ZFHX2: variants seen among roughly 807,000 people sequenced by gnomAD.
The protein encoded by ZFHX2 is zinc finger homeobox 2.
A neutral mutation model predicts 164.8 loss-of-function variants in ZFHX2; 75 were observed. The ratio of observed to expected loss-of-function variants is 0.46; its 90% CI spans 0.38 to 0.55. ZFHX2 has a LOEUF of 0.55. ZFHX2 is among the 20% of genes least tolerant of loss of function. The pLI is 0.00. For synonymous variants in ZFHX2, 1,217 were observed against 1,351.4 expected, an observed-to-expected ratio of 0.90 and a Z score of 2.18; for missense variants, 2,933 against 3,308.0, an observed-to-expected ratio of 0.89 and a Z score of 2.78.
Position 23,533,779 on chromosome 14 carries a change from G to C in ZFHX2, c.1547C>G (p.Ser516Cys), listed in dbSNP as rs759516451. 1.9e-5 allele frequency: 30 copies of C among 1,557,924 alleles called. No individual in the cohort carries two copies. The highest frequency in any genetic ancestry group is 2.3e-5 in the Non-Finnish European group (27 of 1,158,668). ...KPYRCDVCNY[S>C]TTTKGNLSIH... ...GCTGAGGTTGCCTTTGGTGGTTGTA[G>C]AGTAGTTGCAGACGTCACAGCGGTA... Residue 516 changes from serine to cysteine, a missense_variant, in exon 2 of 10, where the codon TCT (serine) becomes TGT (cysteine). Transcript: ENST00000419474. The surrounding 1 kb of genome is among the most constrained non-coding windows in gnomAD (Gnocchi z 4.8).
upstream of ZFHX2, chr14:23,555,865 C>G (rs2138976744): frequency 6.6e-6 from 1 of 152,428 alleles, no homozygotes; most frequent in East Asian, 1.9e-4. Context: ...CCGACTCTCC[C>G]CGCCGCCTTG....
In ZFHX2 at chr14:23,531,632, C is replaced by T. The variant is rs943948344; in HGVS notation, c.2649G>A (p.Leu883=). ...LLCAWETPSR[L]AVLQHLRTPA... ...GTGTGCGCAGGTGTTGCAGCACAGC[C>T]AAGCGGGAGGGTGTCTCCCACGCAC... Residue 883 remains leucine, a synonymous_variant, in exon 4 of 10, where the codon TTG becomes TTA. Transcript: ENST00000419474. 52 of 1,521,466 alleles carry T rather than the reference C, an allele frequency of 3.4e-5. No homozygotes were observed. The highest frequency in any genetic ancestry group is 4.5e-5 in the Non-Finnish European group (51 of 1,137,932). The allele number at this position is 1,521,466 out of a possible 1,614,324, so 94.2% of individuals were successfully genotyped here. A position where few individuals can be genotyped will look rare whatever the true frequency, so the allele number is the denominator to read the frequency against.
At chr14:23,531,300 G>T in intron 4 of ZFHX2, 181 bp downstream of exon 4, 1 of 890,060 alleles carries the variant, frequency 1.1e-6, no homozygotes, top group Non-Finnish European at 1.5e-6. Flanking sequence ...ACTCAAGGTA[G>T]CCTCCACAGT....
At position 23,524,151 on chromosome 14, in the gene ZFHX2, G is replaced by T. The variant is rs1173137066; in HGVS notation, c.5791C>A (p.Pro1931Thr). ...GATGCAGGGGTGGCTGTGGCAGGCG[G>T]TTTCACTGCTGGACTAGGCACCCCC... ...PGGVPSPAVK[P>T]PATATPASLP... The change falls in exon 9 of 10, where the codon CCG (proline) becomes ACG (threonine). Residue 1931 changes from proline (P) to threonine (T), a missense_variant. Coordinates refer to ENST00000419474, the MANE Select transcript of ZFHX2 (RefSeq NM_033400.3). This position sits in a 1 kb window ranked among gnomAD's most constrained non-coding sequence, Gnocchi z 5.6. 1.3e-6 allele frequency: 2 copies of T among 1,536,016 alleles called. No homozygotes were observed. Among genetic ancestry groups the T allele is most frequent in the Admixed American group, 2.0e-5 (1 of 50,992 alleles).
chr14:23,526,171 G>A lies in ZFHX2; in HGVS notation c.3771C>T (p.Tyr1257=). The A allele has an allele frequency of 2.6e-6, 4 of 1,536,564 alleles. No individual in the cohort carries two copies. The highest frequency in any genetic ancestry group is 2.4e-5 in the South Asian group (2 of 84,046). The change falls in exon 9 of 10, where the codon TAC becomes TAT. Residue 1257 remains tyrosine (Y), a synonymous_variant. Coordinates refer to ENST00000419474, the MANE Select transcript of ZFHX2 (RefSeq NM_033400.3). The part of the protein sequence containing the change: ...PFKCTVCRVS[Y]NQSSTLEIHM... ...GGATCTCCAGGGTGGAGCTCTGGTT[G>A]TAGGAGACTCTGCAGACTGTGCACT...
chr14:23,524,125 G>T lies in ZFHX2; in HGVS notation c.5817C>A (p.Ser1939=), dbSNP rs539775100. 5.2e-6 allele frequency: 8 copies of T among 1,535,598 alleles called. No homozygotes were observed. In the South Asian group the frequency reaches 8.3e-5, roughly 16 times the overall value. ...CTAATAAGAGGTTGAACTTGGGCAA[G>T]GATGCAGGGGTGGCTGTGGCAGGCG... ...VKPPATATPA[S]LPKFNLLLGK... The change falls in exon 9 of 10, where the codon TCC becomes TCA. Residue 1939 remains serine, a synonymous_variant. Transcript: ENST00000419474. The surrounding 1 kb of genome is among the most constrained non-coding windows in gnomAD (Gnocchi z 5.6).
Position 23,534,842 on chromosome 14 carries a change from G to T in ZFHX2, c.484C>A (p.Pro162Thr), listed in dbSNP as rs557102377. The change falls in exon 2 of 10, where the codon CCC (proline) becomes ACC (threonine). Residue 162 changes from proline to threonine, a missense_variant. Pro to Thr is a conservative substitution (Grantham distance 38). Transcript: ENST00000419474. The surrounding 1 kb of genome is among the most constrained non-coding windows in gnomAD (Gnocchi z 4.5). Reference sequence around the variant, plus strand: ...TGAAGGGCAGTGAGGTGTGAGGGGGGTGGGTAGGCAAGGAAGGGCAGACTG... The same window carrying T: ...TGAAGGGCAGTGAGGTGTGAGGGGGTTGGGTAGGCAAGGAAGGGCAGACTG... ...EPSLPFLAYP[P>T]PSHLTALHIQ... 148 of 1,536,188 alleles carry T rather than the reference G, an allele frequency of 9.6e-5. No homozygotes were observed. In the East Asian group the frequency reaches 1.1e-3, roughly 11 times the overall value.
At chr14:23,548,847 G>A (rs545576129) in intron 1 of ZFHX2, among the ~76,000 whole-genome samples, 13 of 152,100 alleles carry the variant, frequency 8.5e-5, no homozygotes, top group South Asian at 4.2e-4. Flanking sequence ...CCAACCCCCC[G>A]GCGCCCCCGC....
Position 23,524,994 on chromosome 14 carries a change from C to G in ZFHX2, c.4948G>C (p.Ala1650Pro). The change falls in exon 9 of 10, where the codon GCA becomes CCA. Residue 1650 changes from alanine to proline, a missense_variant. Physicochemically the swap from Ala to Pro is conservative, Grantham distance 27. Transcript: ENST00000419474. The surrounding 1 kb of genome is among the most constrained non-coding windows in gnomAD (Gnocchi z 5.6). ...VVWFQNARQK[A>P]RKNACEGGSM... ...CCACCCTCACAGGCATTTTTGCGTG[C>G]TTTCTGGCGGGCATTCTGGAACCAC... 1 of 1,536,218 alleles carries G rather than the reference C, an allele frequency of 6.5e-7. No homozygotes were observed. Among genetic ancestry groups the G allele is most frequent in the Non-Finnish European group, 8.7e-7 (1 of 1,146,920 alleles).
intron 1 of ZFHX2, among the ~76,000 whole-genome samples, chr14:23,547,337 C>T (rs1881491451): frequency 6.6e-6 from 1 of 152,214 alleles, no homozygotes; most frequent in South Asian, 2.1e-4. Context: ...TTATGAACTC[C>T]TTATTTGCGG....
At chr14:23,528,064 C>T (rs181440268) in intron 6 of ZFHX2, among the ~76,000 whole-genome samples, 15 of 152,208 alleles carry the variant, frequency 9.9e-5, no homozygotes, top group East Asian at 9.7e-4. Context: ...TGTGCAACCA[C>T]GCCCAGCTAA....
Position 23,521,840 on chromosome 14 carries a change from A to G in ZFHX2, c.*122T>C. On this transcript the variant is annotated 3_prime_UTR_variant, in exon 10 of 10. Transcript: ENST00000419474. Reference sequence around the variant, plus strand: ...TGCCCACTGAGGGTGGGAACTGAACAGTTCCTGTGAGGTGGGCGGGGCCAG... The same window carrying G: ...TGCCCACTGAGGGTGGGAACTGAACGGTTCCTGTGAGGTGGGCGGGGCCAG... 6.9e-7 allele frequency: 1 copy of G among 1,459,124 alleles called. No individual in the cohort carries two copies. Among genetic ancestry groups the G allele is most frequent in the Admixed American group, 2.4e-5 (1 of 41,650 alleles). 90.4% of individuals were successfully genotyped at this position (1,459,124 alleles called of 1,614,324 possible).
Position 23,523,943 on chromosome 14 carries a change from G to C in ZFHX2, c.5999C>G (p.Pro2000Arg). The C allele has an allele frequency of 6.5e-7, 1 of 1,536,012 alleles. No homozygotes were observed. The stretch of plus-strand genomic sequence containing the variant: ...CTCTTCCTCACTGGGTGGAGGGGGA[G>C]GTAGGAGAGGTAGAGGTGGCTCTGG... ...PTPEPPLPLLPPPPPSEEEGP... is the reference protein window; with the variant it reads ...PTPEPPLPLLRPPPPSEEEGP... The change falls in exon 9 of 10, where the codon CCT becomes CGT. Residue 2000 changes from proline to arginine, a missense_variant. Coordinates refer to ENST00000419474, the MANE Select transcript of ZFHX2 (RefSeq NM_033400.3). The surrounding 1 kb of genome is among the most constrained non-coding windows in gnomAD (Gnocchi z 4.1).
In ZFHX2 at chr14:23,527,806, T is replaced by C. The variant is rs1878943088; in HGVS notation, c.2935-2A>G. ...GCTGCAGTATGGACAGCAGTATACCTGGAGGGAACATATGGGCAGTGGACG... is the reference window on the plus strand; with the variant it reads ...GCTGCAGTATGGACAGCAGTATACCCGGAGGGAACATATGGGCAGTGGACG... On this transcript the variant is annotated splice_acceptor_variant, in intron 6 of 9. Transcript: ENST00000419474. LOFTEE classifies it high-confidence loss of function. 1 of 1,534,026 alleles carries C rather than the reference T, an allele frequency of 6.5e-7. No individual in the cohort carries two copies. Among genetic ancestry groups the C allele is most frequent in the African/African-American group, 1.4e-5 (1 of 72,750 alleles).
chr14:23,539,120 C>G (rs145561034), intron 1 of ZFHX2, among the ~76,000 whole-genome samples: 114 of 152,250 alleles, frequency 7.5e-4, no homozygotes, highest in Middle Eastern at 3.4e-3. Flanking sequence ...AGCCTATCCT[C>G]CTCCCCTAAT....
Position 23,532,402 on chromosome 14 carries a change from G to A in ZFHX2, c.2559+165C>T, listed in dbSNP as rs78317168. The A allele has an allele frequency of 3.4e-4, 269 of 801,276 alleles. 3 individuals are homozygous for A. In the African/African-American group the frequency reaches 4.5e-3, roughly 13 times the overall value. The allele number at this position is 801,276 out of a possible 1,614,324, so 49.6% of individuals were successfully genotyped here. A position where few individuals can be genotyped will look rare whatever the true frequency, so the allele number is the denominator to read the frequency against. Reference sequence around the variant, plus strand: ...ACTATCCTTTGGTCTCTTTCTCCATGTCTGTCACTTTGTTACCCTGGTACA... The same window carrying A: ...ACTATCCTTTGGTCTCTTTCTCCATATCTGTCACTTTGTTACCCTGGTACA... On this transcript the variant is annotated intron_variant, in intron 3 of 9. Coordinates refer to ENST00000419474, the MANE Select transcript of ZFHX2 (RefSeq NM_033400.3).
chr14:23,525,418 G>A lies in ZFHX2; in HGVS notation c.4524C>T (p.Pro1508=), dbSNP rs762308978. The A allele has an allele frequency of 9.8e-6, 15 of 1,536,054 alleles. No homozygotes were observed. The South Asian group carries it at 1.8e-4, about 18-fold the overall frequency. The part of the protein sequence containing the change: ...HEEHVHRRFL[P]FEALSRYAAQ... ...CAGCATAACGGCTCAGGGCTTCAAA[G>A]GGCAGAAAGCGGCGGTGGACATGTT... Residue 1508 remains proline (P), a synonymous_variant, in exon 9 of 10, where the codon CCC becomes CCT. Coordinates refer to ENST00000419474, the MANE Select transcript of ZFHX2 (RefSeq NM_033400.3). This position sits in a 1 kb window ranked among gnomAD's most constrained non-coding sequence, Gnocchi z 5.9.
chr14:23,554,606 T>C (rs975784021), upstream of ZFHX2, among the ~76,000 whole-genome samples: 1 of 151,346 alleles, frequency 6.6e-6, no homozygotes, highest in Non-Finnish European at 1.5e-5. Flanking sequence ...CAGGCTGGTC[T>C]CAAACTCCTG....
At position 23,522,052 on chromosome 14, in the gene ZFHX2, A is replaced by T. The variant is rs762327935; in HGVS notation, c.7629T>A (p.Ala2543=). The change falls in exon 10 of 10, where the codon GCT becomes GCA. Residue 2543 remains alanine (A), a synonymous_variant. Coordinates refer to ENST00000419474, the MANE Select transcript of ZFHX2 (RefSeq NM_033400.3). Reference sequence around the variant, plus strand: ...CTTCCTCTTTGGCAAAAGCCACAGCAGCCGAGGCAGCAGTGGCGGCGTTGG... The same window carrying T: ...CTTCCTCTTTGGCAAAAGCCACAGCTGCCGAGGCAGCAGTGGCGGCGTTGG... The part of the protein sequence containing the change: ...SITNAATAAS[A]AVAFAKEEAR... 2.8e-5 allele frequency: 43 copies of T among 1,536,354 alleles called. No homozygotes were observed. Among genetic ancestry groups the T allele is most frequent in the Non-Finnish European group, 3.7e-5 (42 of 1,146,918 alleles).
Sources: gnomAD v4.1 joint callset for allele counts (sites outside exome capture counted in the v4.1 genomes callset) on GRCh38, gnomAD v4.1.1 for gene constraint, Gnocchi (gnomAD v3.1) non-coding constraint, MANE v1.5 for transcripts, NCBI Gene and HGNC (gene_info 2026-07-23, HGNC 2026-07-21) for gene names.